CDK5RAP2: variants seen among roughly 807,000 people sequenced by gnomAD.
CDK5RAP2 encodes the protein CDK5 regulatory subunit associated protein 2.
A neutral mutation model predicts 232.9 loss-of-function variants in CDK5RAP2; 147 were observed. The observed-to-expected ratio is 0.63, with a 90% CI of 0.55 to 0.72. The LOEUF (loss-of-function observed/expected upper bound fraction) is 0.72. Ranked by LOEUF, CDK5RAP2 falls within the 30% of genes least tolerant of loss-of-function variation. CDK5RAP2 has a pLI of 0.00. For synonymous variants in CDK5RAP2, 833 were observed against 833.7 expected (o/e 1.00, Z 0.01); for missense variants, 2,195 against 2,231.5 (o/e 0.98, Z 0.33).
intron 5 of CDK5RAP2, among the ~76,000 whole-genome samples, chr9:120,541,592 T>A (rs1345343009): frequency 6.6e-6 from 1 of 152,214 alleles, no homozygotes; most frequent in Non-Finnish European, 1.5e-5. Flanking sequence ...GTCCCCTTAT[T>A]GTAACTGATA....
At chr9:120,537,126 A>C (rs1263546995) in intron 6 of CDK5RAP2, among the ~76,000 whole-genome samples, 2 of 152,156 alleles carry the variant, frequency 1.3e-5, no homozygotes, top group African/African-American at 2.4e-5. Context: ...ATGAATCTCC[A>C]ACTACTCACA....
chr9:120,433,637 G>A (rs2035407180), intron 25 of CDK5RAP2, among the ~76,000 whole-genome samples: 1 of 152,242 alleles, frequency 6.6e-6, no homozygotes, highest in African/African-American at 2.4e-5. Context: ...CTATGCCTCA[G>A]TTCATCATCT....
chr9:120,511,693 G>C (rs1564318361), intron 12 of CDK5RAP2, among the ~76,000 whole-genome samples: 1 of 146,436 alleles, frequency 6.8e-6, no homozygotes, highest in Non-Finnish European at 1.5e-5. Context: ...CAGTTGAATT[G>C]TAAGTCCCCC....
chr9:120,408,035 G>C, intron 31 of CDK5RAP2: 1 of 402,462 alleles, frequency 2.5e-6, no homozygotes, highest in Non-Finnish European at 4.7e-6. Flanking sequence ...AACAGGTGCT[G>C]AGAGACATGT....
At chr9:120,520,252 AAC>A (rs1172853339) in intron 11 of CDK5RAP2, among the ~76,000 whole-genome samples, 1 of 152,220 alleles carries the variant, frequency 6.6e-6, no homozygotes, top group African/African-American at 2.4e-5. Context: ...CATATCAAGA[AAC>A]ACATCCTTCG....
chr9:120,556,538 C>T (rs1272488437), intron 3 of CDK5RAP2, among the ~76,000 whole-genome samples: 2 of 152,086 alleles, frequency 1.3e-5, no homozygotes, highest in East Asian at 3.9e-4. Flanking sequence ...AAGCGATTCT[C>T]CTGCCTCAGT....
At chr9:120,530,476 T>A (rs887786529) in intron 7 of CDK5RAP2, among the ~76,000 whole-genome samples, 2 of 152,146 alleles carry the variant, frequency 1.3e-5, no homozygotes, top group Non-Finnish European at 2.9e-5. Context: ...CCAAAAGATA[T>A]GTCACTGAAA....
At chr9:120,528,830 G>C (rs754581045) in intron 8 of CDK5RAP2, 33 bp from the exon 9 acceptor site, 1 of 1,510,532 alleles carries the variant, frequency 6.6e-7, no homozygotes, top group South Asian at 1.1e-5. Context: ...GTGAAGAAGG[G>C]ACGTGCAATC....
At chr9:120,423,181 T>C (rs970782848) in intron 25 of CDK5RAP2, among the ~76,000 whole-genome samples, 30 of 152,224 alleles carry the variant, frequency 2.0e-4, no homozygotes, top group Non-Finnish European at 4.1e-4. Flanking sequence ...ATTTTTTCAC[T>C]TAGTATATTA....
chr9:120,426,832 A>C (rs1419121436), intron 25 of CDK5RAP2, among the ~76,000 whole-genome samples: 2 of 152,184 alleles, frequency 1.3e-5, no homozygotes, highest in Non-Finnish European at 2.9e-5. Flanking sequence ...GAGTCAGGTT[A>C]GAATTTGGTT....
At chr9:120,523,142 T>G (rs1462989701) in intron 11 of CDK5RAP2, among the ~76,000 whole-genome samples, 2 of 152,226 alleles carry the variant, frequency 1.3e-5, no homozygotes, top group Admixed American at 6.5e-5. Flanking sequence ...TGCTGCAAGA[T>G]AAGAAACTTG....
chr9:120,566,962 A>G (rs1166318833), intron 3 of CDK5RAP2, among the ~76,000 whole-genome samples: 1 of 152,256 alleles, frequency 6.6e-6, no homozygotes, highest in Non-Finnish European at 1.5e-5. Context: ...AAAATGTAAA[A>G]CAGTGCCCTT....
intron 22 of CDK5RAP2, among the ~76,000 whole-genome samples, chr9:120,444,472 C>A (rs1389745153): frequency 6.6e-6 from 1 of 152,180 alleles, no homozygotes; most frequent in African/African-American, 2.4e-5. Context: ...TCTCCTACCC[C>A]CAGTGCATGA....
Position 120,408,120 on chromosome 9 carries a change from G to C in CDK5RAP2, c.4726+227C>G. On this transcript the variant is annotated intron_variant, in intron 31 of 37. Transcript: ENST00000349780. Reference sequence around the variant, plus strand: ...CACATAGCTGGGAACAAGTGAGTGGGAACCCGGACCTCGGCTGGCCTGGGT... The same window carrying C: ...CACATAGCTGGGAACAAGTGAGTGGCAACCCGGACCTCGGCTGGCCTGGGT... 4 of 566,616 alleles carry C rather than the reference G, an allele frequency of 7.1e-6. No individual in the cohort carries two copies. The South Asian group carries it at 7.5e-5, about 11-fold the overall frequency. 35.1% of individuals were successfully genotyped at this position (566,616 alleles called of 1,614,324 possible). A position where few individuals can be genotyped will look rare whatever the true frequency, so the allele number is the denominator to read the frequency against.
At chr9:120,461,452 A>T (rs1458884240) in intron 18 of CDK5RAP2, among the ~76,000 whole-genome samples, 1 of 152,244 alleles carries the variant, frequency 6.6e-6, no homozygotes, top group Non-Finnish European at 1.5e-5. Context: ...CACCTGAATT[A>T]ACCAAATTAA....
chr9:120,490,390 C>A (rs1011516661), intron 13 of CDK5RAP2, among the ~76,000 whole-genome samples: 1 of 152,236 alleles, frequency 6.6e-6, no homozygotes, highest in Non-Finnish European at 1.5e-5. Flanking sequence ...TCAGTTACAT[C>A]TGGTGACCCC....
chr9:120,457,288 C>T (rs766188742), intron 20 of CDK5RAP2, among the ~76,000 whole-genome samples: 6 of 152,154 alleles, frequency 3.9e-5, no homozygotes, highest in South Asian at 2.1e-4. Flanking sequence ...TCCCCCTGAC[C>T]GCCCAGTTCA....
At chr9:120,500,835 T>C (rs1341189323) in intron 12 of CDK5RAP2, among the ~76,000 whole-genome samples, 2 of 152,216 alleles carry the variant, frequency 1.3e-5, no homozygotes, top group Non-Finnish European at 1.5e-5. Context: ...TTTGCCTTCC[T>C]GATTGTGTTT....
intron 3 of CDK5RAP2, among the ~76,000 whole-genome samples, chr9:120,552,951 C>A (rs982475611): frequency 1.3e-5 from 2 of 152,020 alleles, no homozygotes; most frequent in African/African-American, 2.4e-5. Flanking sequence ...ACTGGTGAAT[C>A]TAGATGAATA....
Sources: allele counts gnomAD v4.1 joint callset (sites outside exome capture counted in the v4.1 genomes callset), GRCh38; gene constraint gnomAD v4.1.1; transcripts MANE v1.5; gene names NCBI Gene and HGNC (gene_info 2026-07-23, HGNC 2026-07-21).